Variants in KCNIP4 observed in about 807,000 individuals in gnomAD.
The protein encoded by KCNIP4 is potassium voltage-gated channel interacting protein 4, also known as Kv channel-interacting protein 4.
KCNIP4 carries 12 observed loss-of-function variants against 34.0 expected under a neutral mutation model. The observed-to-expected ratio is 0.35, with a 90% CI of 0.23 to 0.57. The LOEUF (loss-of-function observed/expected upper bound fraction) is 0.57. KCNIP4 is among the 20% of genes least tolerant of loss of function. The pLI is 0.83. For missense variants in KCNIP4, 238 were observed against 311.7 expected (o/e 0.76, Z 1.78); for synonymous variants, 124 against 102.2 (o/e 1.21, Z -1.29).
rs181367544 is a variant in KCNIP4, at chr4:21,420,297, C to T, written c.61+528274G>A. 3.5e-3 allele frequency among the ~76,000 whole-genome samples: 533 copies of T among 152,296 alleles called. 10 individuals carry two copies. The highest frequency in any genetic ancestry group is 0.014 in the Middle Eastern group (4 of 294). ...TCTTTGTATCCCTACATTTCTCCCC[C>T]TCCCACTGCCACCTCTGTACTTCAC... On this transcript the variant is annotated intron_variant, in intron 1 of 8. Transcript: ENST00000382152.
intron 1 of KCNIP4, among the ~76,000 whole-genome samples, chr4:21,432,469 T>A (rs944718405): frequency 2.0e-5 from 3 of 152,060 alleles, no homozygotes; most frequent in Non-Finnish European, 4.4e-5. Flanking sequence ...GCTACAAATG[T>A]GGAACAAAAA....
chr4:21,076,227 C>T (rs2109010355), intron 1 of KCNIP4, among the ~76,000 whole-genome samples: 1 of 152,214 alleles, frequency 6.6e-6, no homozygotes, highest in East Asian at 1.9e-4. Flanking sequence ...TAATATCCTG[C>T]AGAGTGTTTT....
chr4:20,746,014 A>G (rs534325219), intron 5 of KCNIP4, among the ~76,000 whole-genome samples: 52 of 152,342 alleles, frequency 3.4e-4, no homozygotes, highest in Non-Finnish European at 6.0e-4. Flanking sequence ...TGACACAGCC[A>G]TCCCATTACT....
intron 1 of KCNIP4, among the ~76,000 whole-genome samples, chr4:21,904,967 T>C (rs1578130099): frequency 6.6e-6 from 1 of 152,310 alleles, no homozygotes; most frequent in East Asian, 1.9e-4. Flanking sequence ...ACAGTGATTT[T>C]CAATAGATGT....
At chr4:21,622,002 A>G (rs1105378) in intron 1 of KCNIP4, among the ~76,000 whole-genome samples, 43,442 of 152,102 alleles carry the variant, frequency 0.29, 6,494 homozygotes, top group Non-Finnish European at 0.32. Context: ...CTGGCACCTC[A>G]AATACTGGGA....
chr4:21,692,781 T>C (rs1220889688), intron 1 of KCNIP4, among the ~76,000 whole-genome samples: 1 of 150,004 alleles, frequency 6.7e-6, no homozygotes, highest in Non-Finnish European at 1.5e-5. Context: ...TGTATTTGAC[T>C]GCCACATGTC....
At chr4:21,026,177 G>A (rs1740543626) in intron 1 of KCNIP4, among the ~76,000 whole-genome samples, 1 of 152,162 alleles carries the variant, frequency 6.6e-6, no homozygotes, top group African/African-American at 2.4e-5. Context: ...CAGTACCAGA[G>A]GAGACAGCAG....
chr4:20,865,093 C>T (rs1722734117), intron 2 of KCNIP4, among the ~76,000 whole-genome samples: 1 of 151,942 alleles, frequency 6.6e-6, no homozygotes, highest in South Asian at 2.1e-4. Context: ...ATATTGTCAC[C>T]CTGCTTTTAT....
In KCNIP4 at chr4:21,122,334, C is replaced by T. The variant is rs996446126; in HGVS notation, c.62-239625G>A. Among the ~76,000 whole-genome samples, 16 of 149,726 alleles carry T rather than the reference C, an allele frequency of 1.1e-4. 1 individual carries two copies. The highest frequency in any genetic ancestry group is 3.0e-4 in the African/African-American group (12 of 40,562). The stretch of plus-strand genomic sequence containing the variant: ...CAGATCAAGCTTTTCTTTTTAAGTG[C>T]GTATACGTTTTGAAAATCAGTATTT... On this transcript the variant is annotated intron_variant, in intron 1 of 8. Coordinates refer to ENST00000382152, the MANE Select transcript of KCNIP4 (RefSeq NM_025221.6).
intron 1 of KCNIP4, among the ~76,000 whole-genome samples, chr4:21,490,073 C>G (rs1041329567): frequency 6.6e-6 from 1 of 152,110 alleles, no homozygotes; most frequent in African/African-American, 2.4e-5. Flanking sequence ...GAATGATACT[C>G]ATAATATTAT....
At chr4:20,797,837 T>C (rs192242218) in intron 3 of KCNIP4, among the ~76,000 whole-genome samples, 1 of 152,138 alleles carries the variant, frequency 6.6e-6, no homozygotes, top group Non-Finnish European at 1.5e-5. Flanking sequence ...TAGACGTGGA[T>C]TTTCCTCCAA....
intron 1 of KCNIP4, among the ~76,000 whole-genome samples, chr4:20,936,514 C>A (rs1195362042): frequency 6.6e-6 from 1 of 151,842 alleles, no homozygotes; most frequent in Non-Finnish European, 1.5e-5. Context: ...AACTTTACTC[C>A]TTCTACAAGT....
intron 1 of KCNIP4, among the ~76,000 whole-genome samples, chr4:21,815,608 C>A (rs1434619224): frequency 6.6e-6 from 1 of 152,078 alleles, no homozygotes; most frequent in East Asian, 1.9e-4. Flanking sequence ...AGACTGACAT[C>A]TACAAGTACA....
intron 1 of KCNIP4, among the ~76,000 whole-genome samples, chr4:21,942,792 C>A (rs970741305): frequency 6.6e-6 from 1 of 152,150 alleles, no homozygotes; most frequent in Non-Finnish European, 1.5e-5. Context: ...GAGTCTCACT[C>A]TGTTGCCCAG....
At chr4:21,028,746 A>G (rs1740756358) in intron 1 of KCNIP4, among the ~76,000 whole-genome samples, 1 of 152,224 alleles carries the variant, frequency 6.6e-6, no homozygotes, top group African/African-American at 2.4e-5. Context: ...ATGGAAACCA[A>G]CCAATGCAAG....
intron 1 of KCNIP4, among the ~76,000 whole-genome samples, chr4:21,784,656 C>T (rs934395061): frequency 6.6e-6 from 1 of 152,074 alleles, no homozygotes; most frequent in Non-Finnish European, 1.5e-5. Flanking sequence ...TGAAGCCAAA[C>T]ATTTTATCCT....
chr4:21,554,407 A>G (rs186243179), intron 1 of KCNIP4, among the ~76,000 whole-genome samples: 25 of 152,252 alleles, frequency 1.6e-4, no homozygotes, highest in African/African-American at 5.8e-4. Flanking sequence ...GCAGAGTCAT[A>G]TTCAATTTCT....
chr4:21,279,652 T>C (rs1762658026), intron 1 of KCNIP4, among the ~76,000 whole-genome samples: 1 of 151,890 alleles, frequency 6.6e-6, no homozygotes, highest in East Asian at 1.9e-4. Flanking sequence ...AGCCAGCTTC[T>C]AGTCTAGGCA....
At chr4:21,619,074 CG>C (rs1744822211) in intron 1 of KCNIP4, among the ~76,000 whole-genome samples, 1 of 152,084 alleles carries the variant, frequency 6.6e-6, no homozygotes, top group African/African-American at 2.4e-5. Flanking sequence ...ACTGCTCACC[CG>C]ATAAGTGAGA....
Sources: allele counts gnomAD v4.1 joint callset (sites outside exome capture counted in the v4.1 genomes callset), GRCh38; gene constraint gnomAD v4.1.1; transcripts MANE v1.5; gene names NCBI Gene and HGNC (gene_info 2026-07-23, HGNC 2026-07-21).